NTRK2: variants seen among roughly 807,000 people sequenced by gnomAD.
The protein encoded by NTRK2 is neurotrophic receptor tyrosine kinase 2, also known as BDNF/NT-3 growth factors receptor.
In NTRK2, 13 loss-of-function variants were observed where a neutral mutation model predicts 94.5. The ratio of observed to expected loss-of-function variants is 0.14; its 90% CI spans 0.09 to 0.22. NTRK2 has a LOEUF of 0.22. Ranked by LOEUF, NTRK2 falls within the 10% of genes least tolerant of loss-of-function variation. The pLI is 1.00. For missense variants in NTRK2, 639 were observed against 1,071.2 expected, an observed-to-expected ratio of 0.60 and a Z score of 5.63; for synonymous variants, 372 against 407.4, an observed-to-expected ratio of 0.91 and a Z score of 1.05.
intron 12 of NTRK2, among the ~76,000 whole-genome samples, chr9:84,769,465 A>C (rs1459040407): frequency 1.3e-5 from 2 of 152,206 alleles, no homozygotes; most frequent in Non-Finnish European, 2.9e-5. Context: ...TTTAAATGAC[A>C]AGAATTTATT....
Position 84,691,723 on chromosome 9 carries a change from AC to A in NTRK2, c.213-10435del, listed in dbSNP as rs543463978. Among the ~76,000 whole-genome samples the A allele has an allele frequency of 4.4e-3, 671 of 152,224 alleles. 2 individuals are homozygous for A. Among genetic ancestry groups the A allele is most frequent in the African/African-American group, 0.015 (639 of 41,522 alleles). Reference sequence around the variant, plus strand: ...GCCCTGTGACTGCCCCAGAACTTAGACAAATGCTTGATTGAAATCCCAGAGT... The same window carrying A: ...GCCCTGTGACTGCCCCAGAACTTAGAAAATGCTTGATTGAAATCCCAGAGT... On this transcript the variant is annotated intron_variant, in intron 2 of 18. Coordinates refer to ENST00000277120, the MANE Select transcript of NTRK2 (RefSeq NM_006180.6).
At chr9:84,772,908 T>G (rs955374119) in intron 12 of NTRK2, among the ~76,000 whole-genome samples, 13 of 152,134 alleles carry the variant, frequency 8.5e-5, no homozygotes, top group Non-Finnish European at 1.6e-4. Flanking sequence ...AGGGTCAAGG[T>G]GCAGAAGGCC....
At chr9:85,020,789 C>T (rs561290801) in intron 18 of NTRK2, among the ~76,000 whole-genome samples, 3 of 152,304 alleles carry the variant, frequency 2.0e-5, no homozygotes, top group African/African-American at 7.2e-5. Context: ...TCTATTCTTA[C>T]GCTTGCAAAT....
chr9:84,768,279 A>G (rs1410054300), intron 12 of NTRK2, among the ~76,000 whole-genome samples: 1 of 152,232 alleles, frequency 6.6e-6, no homozygotes, highest in Admixed American at 6.5e-5. Context: ...AGCTTAGTTC[A>G]ATCACTTTAG....
chr9:84,681,286 G>T (rs1313909923), intron 2 of NTRK2, among the ~76,000 whole-genome samples: 1 of 152,072 alleles, frequency 6.6e-6, no homozygotes, highest in Non-Finnish European at 1.5e-5. Flanking sequence ...GTTCCCTATT[G>T]TAATGAATGG....
At chr9:84,735,902 A>AT (rs1190362584) in intron 9 of NTRK2, among the ~76,000 whole-genome samples, 1 of 152,178 alleles carries the variant, frequency 6.6e-6, no homozygotes, top group Non-Finnish European at 1.5e-5. Flanking sequence ...TTTGAGTAGA[A>AT]TTTGAGGCAG....
intron 17 of NTRK2, among the ~76,000 whole-genome samples, chr9:85,013,612 G>A (rs1831885212): frequency 6.6e-6 from 1 of 152,082 alleles, no homozygotes; most frequent in Non-Finnish European, 1.5e-5. Context: ...GATATAACAT[G>A]TAATAAATAA....
rs577008064 is a variant in NTRK2, at chr9:84,739,291, T to C, written c.1160-2601T>C. Among the ~76,000 whole-genome samples the C allele has an allele frequency of 4.1e-4, 62 of 152,318 alleles. No individual in the cohort carries two copies. The South Asian group carries it at 0.013, about 31-fold the overall frequency. On this transcript the variant is annotated intron_variant, in intron 9 of 18. Transcript: ENST00000277120. ...GTCTTGAACTCCTGAGCTAAGATGA[T>C]CTGCCCGCCTTGGCCTCCCAAAGTG...
chr9:84,977,162 G>A (rs1020280922), intron 17 of NTRK2, among the ~76,000 whole-genome samples: 8 of 152,122 alleles, frequency 5.3e-5, no homozygotes, highest in African/African-American at 1.4e-4. Flanking sequence ...TTTTATGTAC[G>A]TTTCTGTTTA....
intron 14 of NTRK2, among the ~76,000 whole-genome samples, chr9:84,905,754 T>C (rs1413040533): frequency 6.6e-6 from 1 of 152,124 alleles, no homozygotes; most frequent in African/African-American, 2.4e-5. Context: ...TACGCAGACT[T>C]AAATTAATAT....
intron 6 of NTRK2, among the ~76,000 whole-genome samples, chr9:84,717,002 T>C (rs2131916431): frequency 6.6e-6 from 1 of 152,298 alleles, no homozygotes; most frequent in African/African-American, 2.4e-5. Flanking sequence ...GGCAAAGAAC[T>C]TGGAAGATAT....
chr9:84,704,836 T>C (rs1221066770), intron 4 of NTRK2, among the ~76,000 whole-genome samples: 1 of 152,122 alleles, frequency 6.6e-6, no homozygotes, highest in Non-Finnish European at 1.5e-5. Context: ...AATCTGAAAT[T>C]AAATTAAGTA....
intron 11 of NTRK2, among the ~76,000 whole-genome samples, chr9:84,751,577 T>TCA (rs146932543): frequency 0.02 from 2,973 of 148,916 alleles, 81 homozygotes; most frequent in African/African-American, 0.063. Context: ...TGAGACTCCG[T>TCA]CACACACACA....
chr9:84,864,475 A>T lies in NTRK2; in HGVS notation c.1445-2768A>T, dbSNP rs140346716. ...GAACATATTCATGTAACCAAACATC[A>T]CCTGTTCCCCAAACAACTATTGAAA... On this transcript the variant is annotated intron_variant, in intron 13 of 18. Coordinates refer to ENST00000277120, the MANE Select transcript of NTRK2 (RefSeq NM_006180.6). 2.0e-5 allele frequency among the ~76,000 whole-genome samples: 3 copies of T among 152,222 alleles called. No homozygotes were observed. The East Asian group carries it at 5.8e-4, about 30-fold the overall frequency.
At chr9:84,712,314 G>A (rs1472959764) in intron 6 of NTRK2, among the ~76,000 whole-genome samples, 1 of 152,206 alleles carries the variant, frequency 6.6e-6, no homozygotes, top group Non-Finnish European at 1.5e-5. Context: ...CTCGGCCATT[G>A]TGATTGGGAT....
intron 14 of NTRK2, chr9:84,874,305 C>T (rs2075985760): frequency 9.4e-7 from 1 of 1,065,360 alleles, no homozygotes; most frequent in Non-Finnish European, 1.1e-6. Context: ...GATGGCACCA[C>T]CGGAGTTTTT....
intron 12 of NTRK2, among the ~76,000 whole-genome samples, chr9:84,827,406 G>A (rs1223636946): frequency 2.6e-5 from 4 of 152,190 alleles, no homozygotes; most frequent in Non-Finnish European, 5.9e-5. Flanking sequence ...CTGTCTTCAG[G>A]GAGCTTATGT....
At chr9:84,774,387 T>C (rs1027566241) in intron 12 of NTRK2, among the ~76,000 whole-genome samples, 2 of 152,224 alleles carry the variant, frequency 1.3e-5, no homozygotes, top group African/African-American at 4.8e-5. Context: ...TCTCCATGTC[T>C]GGCACTTCAT....
chr9:84,762,713 C>T (rs935195481), intron 12 of NTRK2, among the ~76,000 whole-genome samples: 2 of 152,118 alleles, frequency 1.3e-5, no homozygotes, highest in Non-Finnish European at 2.9e-5. Flanking sequence ...ATGAAGTATA[C>T]CCTTTTAGCC....
Sources: gnomAD v4.1 joint callset for allele counts (sites outside exome capture counted in the v4.1 genomes callset) on GRCh38, gnomAD v4.1.1 for gene constraint, MANE v1.5 for transcripts, NCBI Gene and HGNC (gene_info 2026-07-23, HGNC 2026-07-21) for gene names.